CCNB1IP1: variants seen among roughly 807,000 people sequenced by gnomAD.
CCNB1IP1 encodes the protein E3 ubiquitin-protein ligase CCNB1IP1.
In CCNB1IP1, 14 loss-of-function variants were observed where a neutral mutation model predicts 25.6. That is an observed-to-expected ratio of 0.55 (90% CI 0.36 to 0.85). CCNB1IP1 has a LOEUF of 0.85. Ranked by LOEUF, CCNB1IP1 falls within the 40% of genes least tolerant of loss-of-function variation. CCNB1IP1 has a pLI of 0.01. For missense variants in CCNB1IP1, 278 were observed against 342.4 expected, an observed-to-expected ratio of 0.81 and a Z score of 1.48; for synonymous variants, 119 against 116.1, an observed-to-expected ratio of 1.02 and a Z score of -0.16.
At chr14:20,326,528 T>C (rs536898389) in intron 3 of CCNB1IP1, 188 bp downstream of exon 3, 1 of 534,706 alleles carries the variant, frequency 1.9e-6, no homozygotes, top group South Asian at 1.4e-5. Context: ...TGGCAAACTG[T>C]AAATGACTGA....
intron 4 of CCNB1IP1, chr14:20,320,281 A>G: frequency 2.2e-6 from 1 of 455,206 alleles, no homozygotes; most frequent in Non-Finnish European, 4.4e-6. Context: ...GAGTCTGAAT[A>G]ACTTACAATA....
At chr14:20,330,738 G>A (rs146412305) in intron 1 of CCNB1IP1, 8,432 of 151,814 alleles carry the variant, frequency 0.056, 722 homozygotes, top group African/African-American at 0.18. Flanking sequence ...GCACCAACAC[G>A]CCCGGCTAAT....
intron 5 of CCNB1IP1, 116 bp downstream of exon 5, chr14:20,316,111 A>G (rs1320333636): frequency 3.3e-5 from 30 of 904,698 alleles, no homozygotes; most frequent in Non-Finnish European, 4.2e-5. Flanking sequence ...ATTTAATAAA[A>G]AGAGTTTCTC....
chr14:20,330,253 G>A (rs1883195430), intron 1 of CCNB1IP1, among the ~76,000 whole-genome samples: 1 of 152,074 alleles, frequency 6.6e-6, no homozygotes, highest in African/African-American at 2.4e-5. Flanking sequence ...ATCTTGCGTT[G>A]GGAGCTAAAT....
chr14:20,320,482 T>C, intron 4 of CCNB1IP1: 2 of 309,106 alleles, frequency 6.5e-6, no homozygotes, highest in Middle Eastern at 4.0e-4. Context: ...TTTCATCATA[T>C]TTATTGGCTA....
At chr14:20,329,985 T>G (rs1001188273) in intron 1 of CCNB1IP1, among the ~76,000 whole-genome samples, 1 of 152,096 alleles carries the variant, frequency 6.6e-6, no homozygotes. Flanking sequence ...CATTTTGCAC[T>G]GTAGCTGGCA....
chr14:20,325,159 C>T (rs982224893), intron 4 of CCNB1IP1, among the ~76,000 whole-genome samples: 32 of 151,138 alleles, frequency 2.1e-4, no homozygotes, highest in Non-Finnish European at 4.0e-4. Context: ...CGGTGGCTCA[C>T]GCCTGTAATC....
rs1882481171 is a variant in CCNB1IP1 at position 20,311,581 on chromosome 14, G to C, written c.803C>G (p.Ser268Cys). 10 of 1,613,722 alleles carry C rather than the reference G, an allele frequency of 6.2e-6. No individual in the cohort carries two copies. Among genetic ancestry groups the C allele is most frequent in the Non-Finnish European group, 8.5e-6 (10 of 1,180,004 alleles). The change falls in exon 7 of 7, where the codon TCT (serine) becomes TGT (cysteine). Residue 268 changes from serine (S) to cysteine (C), a missense_variant. Coordinates refer to ENST00000358932, the MANE Select transcript of CCNB1IP1 (RefSeq NM_021178.5). The stretch of plus-strand genomic sequence containing the variant: ...TCTTTTTACTTTGAAGGCCCTGCTA[G>C]AAACTTGCTGCTGCTCTAATTCACG... ...PSRELEQQQV[S>C]SRAFKVKRI is the part of the protein sequence containing the mutation.
chr14:20,325,174 C>A (rs979768425), intron 4 of CCNB1IP1, among the ~76,000 whole-genome samples: 1 of 151,014 alleles, frequency 6.6e-6, no homozygotes, highest in African/African-American at 2.4e-5. Context: ...GTAATCCCAG[C>A]ACTTTGGGAG....
In CCNB1IP1 at chr14:20,316,283, G is replaced by A; in HGVS notation, c.241C>T (p.Arg81Ter). The change falls in exon 5 of 7, where the codon CGA becomes TGA. Residue 81 changes from arginine to a stop codon, truncating the protein, a stop_gained. Transcript: ENST00000358932. LOFTEE classifies it high-confidence loss of function. ...CTAATGTCCAACACGATCTCTGGTC[G>A]CAGTCCTGCCAATACCATAGCTTTA... ...EYKAMVLAGLRPEIVLDISSR... is the reference protein window; with the variant it reads ...EYKAMVLAGL 1.2e-6 allele frequency: 2 copies of A among 1,613,948 alleles called. No individual in the cohort carries two copies. Among genetic ancestry groups the A allele is most frequent in the Non-Finnish European group, 8.5e-7 (1 of 1,179,858 alleles).
chr14:20,330,872 G>A (rs8005210), intron 1 of CCNB1IP1: 2 of 152,184 alleles, frequency 1.3e-5, no homozygotes, highest in Non-Finnish European at 2.9e-5. Flanking sequence ...GAGCCACCGC[G>A]CCCGGCCATA....
chr14:20,324,845 C>T (rs538916208), intron 4 of CCNB1IP1, among the ~76,000 whole-genome samples: 13 of 151,854 alleles, frequency 8.6e-5, no homozygotes, highest in South Asian at 8.3e-4. Context: ...TTTTTGGAGA[C>T]GGAATCTCCC....
intron 5 of CCNB1IP1, among the ~76,000 whole-genome samples, chr14:20,314,033 T>G (rs903204541): frequency 2.0e-5 from 3 of 152,182 alleles, no homozygotes; most frequent in Admixed American, 6.5e-5. Flanking sequence ...ACCACTAACT[T>G]TATACCACCA....
intron 1 of CCNB1IP1, among the ~76,000 whole-genome samples, chr14:20,329,953 G>A (rs773531169): frequency 4.6e-5 from 7 of 152,000 alleles, no homozygotes; most frequent in African/African-American, 9.7e-5. Context: ...TAAAACTTCC[G>A]TGAAGACTGA....
At chr14:20,331,888 T>A (rs894035989) in intron 1 of CCNB1IP1, among the ~76,000 whole-genome samples, 1 of 148,136 alleles carries the variant, frequency 6.8e-6, no homozygotes, top group Non-Finnish European at 1.5e-5. Context: ...AACACTGTTA[T>A]GAGGGAGAGG....
At chr14:20,329,873 G>T (rs1298938396) in intron 1 of CCNB1IP1, among the ~76,000 whole-genome samples, 1 of 152,012 alleles carries the variant, frequency 6.6e-6, no homozygotes, top group Admixed American at 6.6e-5. Flanking sequence ...GTGCCCATGG[G>T]TAAGTTATGC....
chr14:20,321,516 G>T (rs183520390), intron 4 of CCNB1IP1, among the ~76,000 whole-genome samples: 2 of 151,596 alleles, frequency 1.3e-5, no homozygotes, highest in Middle Eastern at 3.4e-3. Flanking sequence ...GCAGTGGCAC[G>T]ATCTCAGCTC....
At chr14:20,318,493 TTTAA>T (rs1173892354) in intron 4 of CCNB1IP1, 1 of 151,594 alleles carries the variant, frequency 6.6e-6, no homozygotes, top group Non-Finnish European at 1.5e-5. Flanking sequence ...AAAAAAATTA[TTTAA>T]TTAATTGATA....
chr14:20,322,716 G>A (rs1445699543), intron 4 of CCNB1IP1, among the ~76,000 whole-genome samples: 1 of 151,272 alleles, frequency 6.6e-6, no homozygotes, highest in South Asian at 2.1e-4. Flanking sequence ...TCCACCTCCC[G>A]GGTTCAAGCG....
Sources: gnomAD v4.1 joint callset for allele counts (sites outside exome capture counted in the v4.1 genomes callset) on GRCh38, gnomAD v4.1.1 for gene constraint, MANE v1.5 for transcripts, NCBI Gene and HGNC (gene_info 2026-07-23, HGNC 2026-07-21) for gene names.